The following CROCC variants were observed in gnomAD, a reference collection of about 807,000 sequenced individuals.
CROCC encodes the protein ciliary rootlet coiled-coil, rootletin, also known as rootletin.
Under a neutral mutation model 245.2 loss-of-function variants are expected in CROCC, and 180 were observed. That is an observed-to-expected ratio of 0.73 (90% CI 0.65 to 0.83). CROCC has a LOEUF of 0.83. Ranked by LOEUF, CROCC falls within the 40% of genes least tolerant of loss-of-function variation. The pLI, the probability that CROCC is intolerant of heterozygous loss-of-function variation, is 0.00. For synonymous variants in CROCC, 1,205 were observed against 1,241.6 expected, an observed-to-expected ratio of 0.97 and a Z score of 0.62; for missense variants, 2,688 against 2,779.4, an observed-to-expected ratio of 0.97 and a Z score of 0.74.
intron 34 of CROCC, 50 bp downstream of exon 34, chr1:16,970,503 G>C: frequency 1.3e-6 from 2 of 1,506,466 alleles, no homozygotes; most frequent in Non-Finnish European, 1.8e-6. Context: ...GCCTAACCGT[G>C]GTGGATCCCA....
chr1:16,955,662 C>A, intron 24 of CROCC, 112 bp downstream of exon 24: 1 of 991,118 alleles, frequency 1.0e-6, no homozygotes, highest in Admixed American at 3.0e-5. Context: ...CCTCTGTCTC[C>A]TAAGCAGAGC....
At chr1:16,945,632 A>G in intron 15 of CROCC, 26 bp downstream of exon 15, 4 of 1,608,370 alleles carry the variant, frequency 2.5e-6, no homozygotes, top group East Asian at 2.2e-5. Context: ...CTGCACAACC[A>G]CAAACCTACC....
chr1:16,935,574 C>T (rs2075770482), intron 8 of CROCC, among the ~76,000 whole-genome samples: 1 of 152,286 alleles, frequency 6.6e-6, no homozygotes, highest in Admixed American at 6.5e-5. Context: ...GCGCCTGCCA[C>T]CTCACCCGGC....
In CROCC at chr1:16,947,696, C is replaced by T. The variant is rs547394699; in HGVS notation, c.2515-635C>T. Among the ~76,000 whole-genome samples, 29 of 152,308 alleles carry T rather than the reference C, an allele frequency of 1.9e-4. No homozygotes were observed. In the South Asian group the frequency reaches 5.8e-3, roughly 30 times the overall value. ...GTGCAGGAAGCAGGGTGCAGGTCTC[C>T]ACCTTGAGGCCTGCCGAGCAGCTGC... On this transcript the variant is annotated intron_variant, in intron 17 of 36. Transcript: ENST00000375541.
At chr1:16,963,896 A>T (rs1460182294) in intron 27 of CROCC, among the ~76,000 whole-genome samples, 1 of 152,030 alleles carries the variant, frequency 6.6e-6, no homozygotes, top group Non-Finnish European at 1.5e-5. Context: ...GCTGGGTTCA[A>T]GCGATTCTCC....
chr1:16,933,572 T>C (rs2075726062), intron 8 of CROCC, among the ~76,000 whole-genome samples: 1 of 152,276 alleles, frequency 6.6e-6, no homozygotes, highest in Admixed American at 6.5e-5. Flanking sequence ...TTGTCTTTTT[T>C]TTCTTTTTTT....
At chr1:16,941,347 C>G (rs2075926896) in intron 13 of CROCC, 1 of 152,450 alleles carries the variant, frequency 6.6e-6, no homozygotes, top group African/African-American at 2.4e-5. Context: ...ATCACTTGAA[C>G]CCCGGAGGCA....
At chr1:16,970,828 C>T (rs1472359243) in intron 35 of CROCC, 61 bp downstream of exon 35, 2 of 1,477,494 alleles carry the variant, frequency 1.4e-6, no homozygotes, top group African/African-American at 1.4e-5. Flanking sequence ...TCAGCAATTC[C>T]AGTGGAGCTG....
At chr1:16,971,774 G>T in intron 36 of CROCC, 127 bp downstream of exon 36, 1 of 987,876 alleles carries the variant, frequency 1.0e-6, no homozygotes, top group Non-Finnish European at 1.4e-6. Flanking sequence ...GGGTGGGGTT[G>T]GCTCTGCGCT....
Position 16,924,452 on chromosome 1 carries a change from C to T in CROCC, c.324C>T (p.Ala108=). The T allele has an allele frequency of 6.2e-7, 1 of 1,613,526 alleles. No homozygotes were observed. The highest frequency in any genetic ancestry group is 1.7e-5 in the Admixed American group (1 of 60,004). ...AQSRAERDEL[A]IKYNAVSERL... ...GCCGTGCCGAGCGCGATGAGCTCGC[C>T]ATTAAGTACAATGCGGTCAGCGAGA... is the stretch of plus-strand genomic sequence containing the variant. Residue 108 remains alanine, a synonymous_variant, in exon 3 of 37, where the codon GCC becomes GCT. Coordinates refer to ENST00000375541, the MANE Select transcript of CROCC (RefSeq NM_014675.5).
Position 16,966,744 on chromosome 1 carries a change from C to G in CROCC, c.4860+173C>G, listed in dbSNP as rs1021581558. 6.6e-6 allele frequency among the ~76,000 whole-genome samples: 1 copy of G among 152,164 alleles called. No individual in the cohort carries two copies. Among genetic ancestry groups the G allele is most frequent in the Non-Finnish European group, 1.5e-5 (1 of 68,028 alleles). Reference sequence around the variant, plus strand: ...GTTCAGACTCCATCCTCTCATGTCACTTGTGGTCACTAGGCTGTAGAAAAA... The same window carrying G: ...GTTCAGACTCCATCCTCTCATGTCAGTTGTGGTCACTAGGCTGTAGAAAAA... On this transcript the variant is annotated intron_variant, in intron 30 of 36. Coordinates refer to ENST00000375541, the MANE Select transcript of CROCC (RefSeq NM_014675.5). This position sits in a 1 kb window ranked among gnomAD's most constrained non-coding sequence, Gnocchi z 4.8.
chr1:16,921,614 G>T (rs529880250), upstream of CROCC, among the ~76,000 whole-genome samples: 1 of 152,400 alleles, frequency 6.6e-6, no homozygotes, highest in African/African-American at 2.4e-5. Flanking sequence ...CCGCCGCATG[G>T]CTACTGACCC....
Position 16,966,604 on chromosome 1 carries a change from GGGAATCTGTGTACCCGA to G in CROCC, c.4860+35_4860+51del. On this transcript the variant is annotated intron_variant, in intron 30 of 36. Transcript: ENST00000375541. The surrounding 1 kb of genome is among the most constrained non-coding windows in gnomAD (Gnocchi z 4.8). ...GGAGCTGAGGGCCAGCGGGGCGACG[GGGAATCTGTGTACCCGA>G]GTGAGTGTCTAACTCTTATGTGTGT... 18 of 1,450,494 alleles carry G rather than the reference GGGAATCTGTGTACCCGA, an allele frequency of 1.2e-5. No homozygotes were observed. The highest frequency in any genetic ancestry group is 1.6e-5 in the Non-Finnish European group (18 of 1,104,072). 89.9% of individuals were successfully genotyped at this position (1,450,494 alleles called of 1,614,324 possible).
intron 27 of CROCC, among the ~76,000 whole-genome samples, chr1:16,963,377 C>G (rs2076364995): frequency 6.6e-6 from 1 of 151,682 alleles, no homozygotes; most frequent in African/African-American, 2.4e-5. Flanking sequence ...CAGGGGCCAG[C>G]AGTCCCAGAG....
chr1:16,969,439 G>A, intron 32 of CROCC, 99 bp downstream of exon 32: 1 of 1,207,970 alleles, frequency 8.3e-7, no homozygotes, highest in Non-Finnish European at 1.2e-6. Context: ...AGCCAATGGG[G>A]CAGTCAGTTG....
At chr1:16,971,696 G>T in intron 36 of CROCC, 49 bp downstream of exon 36, 1 of 1,417,640 alleles carries the variant, frequency 7.1e-7, no homozygotes, top group Non-Finnish European at 9.3e-7. Flanking sequence ...GTGTGGGGCT[G>T]CAGAAAGAGG....
chr1:16,918,467 T>C (rs184627391), upstream of CROCC, among the ~76,000 whole-genome samples: 387 of 152,230 alleles, frequency 2.5e-3, no homozygotes, highest in African/African-American at 7.9e-3. Flanking sequence ...GCTGACATCC[T>C]GTCCCCTTCC....
At chr1:16,916,746 C>T (rs1209472929) in intron 1 of CROCC, among the ~76,000 whole-genome samples, 3 of 152,300 alleles carry the variant, frequency 2.0e-5, no homozygotes, top group African/African-American at 7.2e-5. Context: ...CGCCTGGGCT[C>T]AGGCAGTCCT....
In CROCC at chr1:16,966,576, G is replaced by A; in HGVS notation, c.4860+5G>A. 1.4e-6 allele frequency: 2 copies of A among 1,472,072 alleles called. No individual in the cohort carries two copies. The highest frequency in any genetic ancestry group is 1.8e-6 in the Non-Finnish European group (2 of 1,113,594). The allele number at this position is 1,472,072 out of a possible 1,614,324, so 91.2% of individuals were successfully genotyped here. ...AGCGAGCTCCGGGCCAGCCAGGTGGGCAGGAGCTGAGGGCCAGCGGGGCGA... is the reference window on the plus strand; with the variant it reads ...AGCGAGCTCCGGGCCAGCCAGGTGGACAGGAGCTGAGGGCCAGCGGGGCGA... On this transcript the variant is annotated splice_donor_5th_base_variant and intron_variant, in intron 30 of 36. Transcript: ENST00000375541. The surrounding 1 kb of genome is among the most constrained non-coding windows in gnomAD (Gnocchi z 4.8).
Sources: allele counts gnomAD v4.1 joint callset (sites outside exome capture counted in the v4.1 genomes callset), GRCh38; gene constraint gnomAD v4.1.1; non-coding constraint Gnocchi (gnomAD v3.1); transcripts MANE v1.5; gene names NCBI Gene and HGNC (gene_info 2026-07-23, HGNC 2026-07-21).